Variants in EYA2 observed in about 807,000 individuals in gnomAD.
EYA2 encodes protein phosphatase EYA2.
Under a neutral mutation model 69.2 loss-of-function variants are expected in EYA2, and 31 were observed. That is an observed-to-expected ratio of 0.45 (90% CI 0.34 to 0.60). The LOEUF is 0.60. Among genes scored for constraint, EYA2 ranks in the 20% least tolerant of loss-of-function variants. The pLI, the probability that EYA2 is intolerant of heterozygous loss-of-function variation, is 0.02. For synonymous variants in EYA2, 257 were observed against 279.4 expected (o/e 0.92, Z 0.80); for missense variants, 622 against 701.2 (o/e 0.89, Z 1.28).
At chr20:47,089,110 G>A (rs1333003725) in intron 7 of EYA2, 129 bp from the exon 8 acceptor site, 28 of 1,075,110 alleles carry the variant, frequency 2.6e-5, no homozygotes, top group Non-Finnish European at 3.6e-5. Context: ...TTCATCCTAC[G>A]AGATCTTTGC....
intron 1 of EYA2, among the ~76,000 whole-genome samples, chr20:46,950,541 A>G (rs2078927789): frequency 6.6e-6 from 1 of 152,204 alleles, no homozygotes; most frequent in South Asian, 2.1e-4. Flanking sequence ...ACCAAGGGGC[A>G]GGAAAGCCCA....
At chr20:47,173,422 G>T (rs913536761) in intron 12 of EYA2, among the ~76,000 whole-genome samples, 1 of 148,114 alleles carries the variant, frequency 6.8e-6, no homozygotes, top group African/African-American at 2.5e-5. Context: ...GAGCTGGTTA[G>T]AAGTGCAGGG....
chr20:47,089,258 T>A lies in EYA2; in HGVS notation c.681T>A (p.Asn227Lys). 6.2e-7 allele frequency: 1 copy of A among 1,614,090 alleles called. No individual in the cohort carries two copies. The change falls in exon 8 of 16, where the codon AAT becomes AAA. Residue 227 changes from asparagine (N) to lysine (K), a missense_variant. Physicochemically the swap from Asn to Lys is moderately conservative, Grantham distance 94 (BLOSUM62 0). Transcript: ENST00000327619. Reference sequence around the variant, plus strand: ...CGCCAGGTGAATACAACACACACAATGGACCTTCCACACCAGCGAAAGAGG... The same window carrying A: ...CGCCAGGTGAATACAACACACACAAAGGACCTTCCACACCAGCGAAAGAGG... ...ESLAGEYNTH[N>K]GPSTPAKEGD... is the part of the protein sequence containing the mutation.
chr20:47,024,952 CTGG>C (rs1283213573), intron 5 of EYA2, among the ~76,000 whole-genome samples: 1 of 152,194 alleles, frequency 6.6e-6, no homozygotes, highest in Non-Finnish European at 1.5e-5. Context: ...TGCAGCAAGC[CTGG>C]TATGAGTACA....
intron 1 of EYA2, among the ~76,000 whole-genome samples, chr20:46,963,020 C>T (rs988425784): frequency 1.4e-4 from 21 of 151,648 alleles, no homozygotes; most frequent in Middle Eastern, 3.2e-3. Context: ...TCGCTCTACC[C>T]CTCCACCCCG....
At chr20:46,963,448 G>A (rs936292952) in intron 1 of EYA2, among the ~76,000 whole-genome samples, 3 of 152,130 alleles carry the variant, frequency 2.0e-5, no homozygotes. Context: ...AACCGACAAG[G>A]TCCCTGCCCT....
rs562461995 is a variant in EYA2, at chr20:47,058,251, T to C, written c.416-13934T>C. On this transcript the variant is annotated intron_variant, in intron 5 of 15. Coordinates refer to ENST00000327619, the MANE Select transcript of EYA2 (RefSeq NM_005244.5). ...TGTAGACTAAAGACAACGAATGAGA[T>C]GTTAGTCCCATAGGCTGGCAAAAAT... is the stretch of plus-strand genomic sequence containing the variant. 4.6e-5 allele frequency among the ~76,000 whole-genome samples: 7 copies of C among 152,230 alleles called. No homozygotes were observed. In the South Asian group the frequency reaches 1.5e-3, roughly 32 times the overall value.
intron 10 of EYA2, among the ~76,000 whole-genome samples, chr20:47,146,490 G>A (rs958140898): frequency 1.3e-5 from 2 of 152,234 alleles, no homozygotes; most frequent in Non-Finnish European, 2.9e-5. Flanking sequence ...ACTTAGGGAA[G>A]CCAGTTTGTT....
At chr20:47,089,912 G>A (rs142923173) in intron 8 of EYA2, among the ~76,000 whole-genome samples, 81 of 152,202 alleles carry the variant, frequency 5.3e-4, no homozygotes, top group African/African-American at 1.7e-3. Flanking sequence ...AACTAGGGGG[G>A]AGGAGGGGAG....
chr20:47,163,698 CAAAAAAAAA>C (rs11471495), intron 10 of EYA2, among the ~76,000 whole-genome samples: 1 of 85,516 alleles, frequency 1.2e-5, no homozygotes, highest in African/African-American at 4.5e-5. Flanking sequence ...AACACTGTCT[CAAAAAAAAA>C]AAAAAAAAAA....
At chr20:47,007,615 CTTATTTTTA>C (rs1982797134) in intron 4 of EYA2, among the ~76,000 whole-genome samples, 1 of 151,656 alleles carries the variant, frequency 6.6e-6, no homozygotes, top group Non-Finnish European at 1.5e-5. Context: ...TAATTTTATT[CTTATTTTTA>C]TTATTTTTAG....
intron 6 of EYA2, among the ~76,000 whole-genome samples, chr20:47,073,395 T>G (rs2031387763): frequency 6.6e-6 from 1 of 152,138 alleles, no homozygotes; most frequent in South Asian, 2.1e-4. Context: ...TGCTGCTGTA[T>G]TTGCACCTCC....
At chr20:47,033,011 C>T (rs1477111591) in intron 5 of EYA2, among the ~76,000 whole-genome samples, 1 of 152,188 alleles carries the variant, frequency 6.6e-6, no homozygotes, top group African/African-American at 2.4e-5. Context: ...CGCCAGGTCT[C>T]GCCACACTTT....
intron 4 of EYA2, among the ~76,000 whole-genome samples, chr20:47,012,843 C>T (rs1433493828): frequency 6.6e-6 from 1 of 152,188 alleles, no homozygotes; most frequent in Non-Finnish European, 1.5e-5. Context: ...GAGAAATGGC[C>T]TTAGATGTCA....
chr20:46,969,413 A>G (rs937005107), intron 1 of EYA2, among the ~76,000 whole-genome samples: 1 of 152,212 alleles, frequency 6.6e-6, no homozygotes, highest in Non-Finnish European at 1.5e-5. Flanking sequence ...GTGCTGGCAC[A>G]TAGTAGGTTC....
In EYA2 at chr20:47,164,295, G is replaced by A. The variant is rs6012125; in HGVS notation, c.979-4844G>A. 1.9e-3 allele frequency among the ~76,000 whole-genome samples: 294 copies of A among 152,272 alleles called. 1 individual carries two copies. The highest frequency in any genetic ancestry group is 6.9e-3 in the African/African-American group (286 of 41,542). Reference sequence around the variant, plus strand: ...AGCGTCACGGTATTTTATTAAGTCCGAAATGTGATTGCTACTGTTGTCACA... The same window carrying A: ...AGCGTCACGGTATTTTATTAAGTCCAAAATGTGATTGCTACTGTTGTCACA... On this transcript the variant is annotated intron_variant, in intron 10 of 15. Coordinates refer to ENST00000327619, the MANE Select transcript of EYA2 (RefSeq NM_005244.5).
Position 47,143,063 on chromosome 20 carries a change from C to T in EYA2, c.893C>T (p.Thr298Ile). The T allele has an allele frequency of 6.2e-7, 1 of 1,613,498 alleles. No homozygotes were observed. The highest frequency in any genetic ancestry group is 8.5e-7 in the Non-Finnish European group (1 of 1,179,702). Residue 298 changes from threonine to isoleucine, a missense_variant, in exon 10 of 16, where the codon ACC (threonine) becomes ATC (isoleucine). Coordinates refer to ENST00000327619, the MANE Select transcript of EYA2 (RefSeq NM_005244.5). The part of the protein sequence containing the change: ...GTFASRYGKD[T>I]TTSVRIGLMM... Reference sequence around the variant, plus strand: ...TTCCCCTTCTCTGCCTCGCAGGACACCACGACGTCCGTGCGCATTGGCCTT... The same window carrying T: ...TTCCCCTTCTCTGCCTCGCAGGACATCACGACGTCCGTGCGCATTGGCCTT...
intron 1 of EYA2, among the ~76,000 whole-genome samples, chr20:46,957,417 T>A (rs1305657004): frequency 1.3e-5 from 2 of 152,184 alleles, no homozygotes; most frequent in Non-Finnish European, 2.9e-5. Context: ...CAAAAATACT[T>A]TGCAGATGGG....
chr20:47,040,936 T>C (rs1443360001), intron 5 of EYA2, among the ~76,000 whole-genome samples: 1 of 152,208 alleles, frequency 6.6e-6, no homozygotes, highest in East Asian at 1.9e-4. Context: ...TCTGAGGGCA[T>C]GCCAAGGGTT....
Sources: gnomAD v4.1 joint callset for allele counts (sites outside exome capture counted in the v4.1 genomes callset) on GRCh38, gnomAD v4.1.1 for gene constraint, MANE v1.5 for transcripts, NCBI Gene and HGNC (gene_info 2026-07-23, HGNC 2026-07-21) for gene names.